The following LSP1 variants were observed in gnomAD, a reference collection of about 807,000 sequenced individuals.
The protein encoded by LSP1 is lymphocyte-specific protein 1.
LSP1 carries 32 observed loss-of-function variants against 49.3 expected under a neutral mutation model. The ratio of observed to expected loss-of-function variants is 0.65; its 90% CI spans 0.49 to 0.87. LSP1 has a LOEUF of 0.87. LSP1 is among the 40% of genes least tolerant of loss of function. LSP1 has a pLI of 0.00. For synonymous variants in LSP1, 179 were observed against 178.8 expected, an observed-to-expected ratio of 1.00 and a Z score of -0.01; for missense variants, 428 against 442.6, an observed-to-expected ratio of 0.97 and a Z score of 0.30.
intron 1 of LSP1, among the ~76,000 whole-genome samples, chr11:1,856,644 C>A (rs979470622): frequency 6.6e-6 from 1 of 152,262 alleles, no homozygotes; most frequent in African/African-American, 2.4e-5. Flanking sequence ...CCCTGGAGAC[C>A]CTCAGAGCTC....
chr11:1,856,110 A>C (rs1487539647), intron 1 of LSP1, among the ~76,000 whole-genome samples: 1 of 152,088 alleles, frequency 6.6e-6, no homozygotes, highest in Non-Finnish European at 1.5e-5. Context: ...GTCCACACCT[A>C]GAAGGCAAGT....
chr11:1,857,161 C>T (rs1247813451), intron 1 of LSP1, among the ~76,000 whole-genome samples: 1 of 152,192 alleles, frequency 6.6e-6, no homozygotes, highest in Non-Finnish European at 1.5e-5. Flanking sequence ...CACCGACACC[C>T]AGCTGGGCTG....
chr11:1,878,750 C>A (rs1399110191), intron 1 of LSP1, among the ~76,000 whole-genome samples: 1 of 152,150 alleles, frequency 6.6e-6, no homozygotes. Context: ...AGCCCTGCTC[C>A]CTGTTCTGGC....
At chr11:1,889,153 G>A (rs1334591517) in intron 10 of LSP1, 1 of 659,570 alleles carries the variant, frequency 1.5e-6, no homozygotes, top group Non-Finnish European at 2.8e-6. Context: ...CTTCACTGGA[G>A]CCTCCAGCCA....
At chr11:1,860,886 T>C (rs955529956) in intron 1 of LSP1, among the ~76,000 whole-genome samples, 2 of 110,282 alleles carry the variant, frequency 1.8e-5, no homozygotes, top group Admixed American at 9.4e-5. Context: ...TATGGACATA[T>C]AAATGATTGG....
At chr11:1,878,364 G>A (rs1848398133) in intron 1 of LSP1, among the ~76,000 whole-genome samples, 1 of 152,260 alleles carries the variant, frequency 6.6e-6, no homozygotes, top group Non-Finnish European at 1.5e-5. Flanking sequence ...GAAGCGGGAA[G>A]CTGGGCCTCA....
chr11:1,876,461 C>T (rs1442523552), intron 1 of LSP1: 4 of 985,608 alleles, frequency 4.1e-6, no homozygotes, highest in Middle Eastern at 5.2e-4. Context: ...CTCCCCGCAG[C>T]CCTTGCTCTT....
At chr11:1,862,053 G>A (rs1847655107) in intron 1 of LSP1, among the ~76,000 whole-genome samples, 1 of 151,854 alleles carries the variant, frequency 6.6e-6, no homozygotes, top group Non-Finnish European at 1.5e-5. Flanking sequence ...ATGAATGGAT[G>A]GATGAGTGGA....
chr11:1,873,233 G>A (rs1372595438), intron 1 of LSP1, among the ~76,000 whole-genome samples: 1 of 151,984 alleles, frequency 6.6e-6, no homozygotes, highest in African/African-American at 2.4e-5. Context: ...CCTCCCTGGG[G>A]ACCGCTAGGC....
At chr11:1,864,183 G>A in intron 1 of LSP1, 4 of 986,910 alleles carry the variant, frequency 4.1e-6, no homozygotes, top group Non-Finnish European at 3.6e-6. Flanking sequence ...AGACGGGGAA[G>A]GAGGGGACGG....
At chr11:1,886,966 A>T in intron 8 of LSP1, 100 bp downstream of exon 8, 1 of 1,430,342 alleles carries the variant, frequency 7.0e-7, no homozygotes, top group Non-Finnish European at 9.5e-7. Flanking sequence ...GGGACTGTCC[A>T]GGATGAATGT....
At chr11:1,870,096 G>A (rs746193528) in intron 1 of LSP1, 75 of 466,910 alleles carry the variant, frequency 1.6e-4, no homozygotes, top group Non-Finnish European at 2.9e-4. Flanking sequence ...GGACGGAGGC[G>A]CTGGCTGCAC....
chr11:1,883,758 A>T lies in LSP1; in HGVS notation c.499-174A>T, dbSNP rs142167997. ...TCAGTGATCCTCTTGCAAGATCCGG[A>T]GACATCTCTCCAGACTCCTCAGTCC... On this transcript the variant is annotated intron_variant, in intron 4 of 10. Coordinates refer to ENST00000311604, the MANE Select transcript of LSP1 (RefSeq NM_002339.3). Among the ~76,000 whole-genome samples, 85 of 152,220 alleles carry T rather than the reference A, an allele frequency of 5.6e-4. No individual in the cohort carries two copies. Among genetic ancestry groups the T allele is most frequent in the Non-Finnish European group, 1.1e-3 (72 of 68,004 alleles).
In LSP1 at chr11:1,886,885, G is replaced by T. The variant is rs757708935; in HGVS notation, c.852+19G>T. 1.2e-6 allele frequency: 2 copies of T among 1,604,678 alleles called. No homozygotes were observed. Among genetic ancestry groups the T allele is most frequent in the Non-Finnish European group, 1.7e-6 (2 of 1,175,972 alleles). On this transcript the variant is annotated intron_variant, in intron 8 of 10. Transcript: ENST00000311604. ...CTGCAAGGTAAGGTCCCCTCCAGGG[G>T]CAAGGCTGGGCTGCAGAGCCAGCGC... is the stretch of plus-strand genomic sequence containing the variant.
intron 1 of LSP1, among the ~76,000 whole-genome samples, chr11:1,875,279 G>A (rs984766755): frequency 2.0e-5 from 3 of 152,186 alleles, no homozygotes; most frequent in Admixed American, 6.5e-5. Flanking sequence ...AAGTCCAGGC[G>A]CTGCCTCCTC....
At position 1,884,285 on chromosome 11, in the gene LSP1, C is replaced by G. The variant is rs768625571; in HGVS notation, c.597C>G (p.Ile199Met). Reference sequence around the variant, plus strand: ...TCTCTCTCCACCCTCTGCAGCTCATCGACAGGACCGAGTCCCTAAACCGCT... The same window carrying G: ...TCTCTCTCCACCCTCTGCAGCTCATGGACAGGACCGAGTCCCTAAACCGCT... The part of the protein sequence containing the change: ...SPPLSPTTKL[I>M]DRTESLNRSI... Residue 199 changes from isoleucine to methionine, a missense_variant, in exon 6 of 11, where the codon ATC becomes ATG. Ile to Met is a conservative substitution (Grantham distance 10). Transcript: ENST00000311604. This position sits in a 1 kb window ranked among gnomAD's most constrained non-coding sequence, Gnocchi z 4.1. 2.3e-5 allele frequency: 37 copies of G among 1,613,950 alleles called. No individual in the cohort carries two copies. The highest frequency in any genetic ancestry group is 1.7e-6 in the Non-Finnish European group (2 of 1,180,000).
intron 1 of LSP1, among the ~76,000 whole-genome samples, chr11:1,858,801 G>A (rs577267369): frequency 1.3e-5 from 2 of 152,348 alleles, no homozygotes; most frequent in South Asian, 2.1e-4. Context: ...TAGGAGATTA[G>A]GGGATTGAGA....
chr11:1,860,807 A>G (rs563423336), intron 1 of LSP1, among the ~76,000 whole-genome samples: 1 of 152,090 alleles, frequency 6.6e-6, no homozygotes, highest in Non-Finnish European at 1.5e-5. Flanking sequence ...ATAAATGGGT[A>G]AATGAATGTA....
intron 1 of LSP1, among the ~76,000 whole-genome samples, chr11:1,874,138 CGG>C (rs1565079779): frequency 9.2e-5 from 8 of 86,578 alleles, no homozygotes; most frequent in African/African-American, 2.3e-4. Context: ...GGGGGCAGGC[CGG>C]GGACAGTGGG....
Sources: gnomAD v4.1 joint callset for allele counts (sites outside exome capture counted in the v4.1 genomes callset) on GRCh38, gnomAD v4.1.1 for gene constraint, Gnocchi (gnomAD v3.1) non-coding constraint, MANE v1.5 for transcripts, NCBI Gene and HGNC (gene_info 2026-07-23, HGNC 2026-07-21) for gene names.